The following MAGI2 variants were observed in gnomAD, a reference collection of about 807,000 sequenced individuals.
The protein encoded by MAGI2 is membrane-associated guanylate kinase, WW and PDZ domain-containing protein 2.
In MAGI2, 35 loss-of-function variants were observed where a neutral mutation model predicts 133.3. That is an observed-to-expected ratio of 0.26 (90% confidence interval 0.20 to 0.35). The LOEUF (loss-of-function observed/expected upper bound fraction) is 0.35, where lower values mean the gene tolerates loss of function less well. Ranked by LOEUF, MAGI2 falls within the 10% of genes least tolerant of loss-of-function variation. The pLI, the probability that MAGI2 is intolerant of heterozygous loss-of-function variation, is 1.00. For synonymous variants in MAGI2, 729 were observed against 710.6 expected (o/e 1.03, Z -0.41); for missense variants, 1,636 against 1,863.4 (o/e 0.88, Z 2.25).
intron 2 of MAGI2, among the ~76,000 whole-genome samples, chr7:78,860,313 G>A (rs1346902807): frequency 6.6e-6 from 1 of 152,160 alleles, no homozygotes; most frequent in African/African-American, 2.4e-5. Context: ...CTTTGGAGAA[G>A]AGGCGCTCTG....
intron 1 of MAGI2, among the ~76,000 whole-genome samples, chr7:79,434,109 C>T (rs1200790480): frequency 5.3e-5 from 8 of 151,526 alleles, no homozygotes; most frequent in African/African-American, 9.7e-5. Flanking sequence ...AGATGAAAAC[C>T]TCTCTTTTGG....
intron 21 of MAGI2, among the ~76,000 whole-genome samples, chr7:78,062,178 G>C (rs1813350960): frequency 6.6e-6 from 1 of 152,198 alleles, no homozygotes; most frequent in African/African-American, 2.4e-5. Context: ...GACCACCTCT[G>C]CCTCTGAAAA....
chr7:79,428,424 C>T (rs1037307696), intron 1 of MAGI2, among the ~76,000 whole-genome samples: 1 of 152,018 alleles, frequency 6.6e-6, no homozygotes, highest in Admixed American at 6.6e-5. Flanking sequence ...TGTTACAGTC[C>T]CATAACAATA....
At chr7:78,156,054 G>A (rs554317636) in intron 16 of MAGI2, among the ~76,000 whole-genome samples, 17 of 152,290 alleles carry the variant, frequency 1.1e-4, no homozygotes, top group Non-Finnish European at 1.5e-4. Flanking sequence ...ATAGCAACAT[G>A]TTTGCAAGGG....
At chr7:78,263,613 G>A (rs1340737322) in intron 9 of MAGI2, among the ~76,000 whole-genome samples, 1 of 152,028 alleles carries the variant, frequency 6.6e-6, no homozygotes, top group Admixed American at 6.6e-5. Flanking sequence ...ACTTCTGGTC[G>A]GGATTGGCTC....
intron 2 of MAGI2, among the ~76,000 whole-genome samples, chr7:78,653,955 T>A (rs1260882028): frequency 2.6e-5 from 4 of 152,192 alleles, no homozygotes; most frequent in African/African-American, 9.7e-5. Flanking sequence ...AATGAGGAAG[T>A]ATTCAATAAT....
chr7:79,353,465 C>T, intron 1 of MAGI2: 1 of 456,142 alleles, frequency 2.2e-6, no homozygotes, highest in South Asian at 1.5e-5. Context: ...CAGGACAATC[C>T]TGAACTGGCA....
At chr7:78,915,143 C>A (rs1301871860) in intron 2 of MAGI2, among the ~76,000 whole-genome samples, 4 of 152,052 alleles carry the variant, frequency 2.6e-5, no homozygotes, top group Non-Finnish European at 4.4e-5. Flanking sequence ...TTTGCTCCCG[C>A]TATAATAATT....
intron 16 of MAGI2, among the ~76,000 whole-genome samples, chr7:78,152,561 T>C (rs528657851): frequency 1.3e-5 from 2 of 152,186 alleles, no homozygotes; most frequent in Non-Finnish European, 2.9e-5. Context: ...GGAACAGAAA[T>C]TAAGTCACAA....
At chr7:78,879,686 G>T (rs1176126033) in intron 2 of MAGI2, among the ~76,000 whole-genome samples, 1 of 151,988 alleles carries the variant, frequency 6.6e-6, no homozygotes, top group Non-Finnish European at 1.5e-5. Flanking sequence ...TCTGAACATT[G>T]TGACATGACC....
intron 21 of MAGI2, among the ~76,000 whole-genome samples, chr7:78,033,472 CA>C (rs199985014): frequency 7.8e-4 from 103 of 132,396 alleles, no homozygotes; most frequent in African/African-American, 2.4e-3. Context: ...GAGCTTGTCT[CA>C]AAAAAAAAAA....
chr7:78,939,716 G>A (rs915839568), intron 2 of MAGI2: 5 of 152,158 alleles, frequency 3.3e-5, no homozygotes, highest in South Asian at 2.1e-4. Context: ...TGGGATATCT[G>A]AGACACTGCA....
intron 1 of MAGI2, among the ~76,000 whole-genome samples, chr7:79,364,038 G>A (rs1842532281): frequency 1.3e-5 from 2 of 151,982 alleles, no homozygotes; most frequent in South Asian, 2.1e-4. Context: ...GAACCATCAT[G>A]AGATATCACC....
At chr7:78,367,729 G>T (rs553384893) in intron 7 of MAGI2, among the ~76,000 whole-genome samples, 3 of 152,212 alleles carry the variant, frequency 2.0e-5, no homozygotes, top group African/African-American at 7.2e-5. Context: ...CTTGAATATC[G>T]GATGTAGTAG....
rs529659601 is a variant in MAGI2, at chr7:79,304,866, T to C, written c.301+148154A>G. ...TTAAATAGTCACACTCCTGTACACC[T>C]GAGCCATGTGGTTAGGGAATGTTTA... On this transcript the variant is annotated intron_variant, in intron 1 of 21. Coordinates refer to ENST00000354212, the MANE Select transcript of MAGI2 (RefSeq NM_012301.4). 7.9e-5 allele frequency among the ~76,000 whole-genome samples: 12 copies of C among 152,286 alleles called. No individual in the cohort carries two copies. The South Asian group carries it at 2.3e-3, about 29-fold the overall frequency.
intron 1 of MAGI2, among the ~76,000 whole-genome samples, chr7:79,086,187 T>C (rs1816470578): frequency 6.6e-6 from 1 of 151,868 alleles, no homozygotes; most frequent in East Asian, 1.9e-4. Flanking sequence ...TTTCAGCAAA[T>C]TTCCCTAAGG....
intron 1 of MAGI2, among the ~76,000 whole-genome samples, chr7:79,383,677 A>C (rs1843969113): frequency 6.6e-6 from 1 of 151,702 alleles, no homozygotes; most frequent in South Asian, 2.1e-4. Flanking sequence ...CATGATCAAG[A>C]ATCCAAAGAC....
chr7:78,296,140 A>AAACC (rs1446692350), intron 9 of MAGI2, among the ~76,000 whole-genome samples: 5 of 152,186 alleles, frequency 3.3e-5, no homozygotes, highest in Admixed American at 3.3e-4. Flanking sequence ...AGAGTATTAC[A>AAACC]AACCAGAGTA....
intron 6 of MAGI2, among the ~76,000 whole-genome samples, chr7:78,460,299 T>C (rs1789830088): frequency 2.0e-5 from 3 of 152,204 alleles, no homozygotes; most frequent in Non-Finnish European, 4.4e-5. Context: ...ATGTTCACTG[T>C]GAAACTTCCC....
Sources: gnomAD v4.1 joint callset for allele counts (sites outside exome capture counted in the v4.1 genomes callset) on GRCh38, gnomAD v4.1.1 for gene constraint, MANE v1.5 for transcripts, NCBI Gene and HGNC (gene_info 2026-07-23, HGNC 2026-07-21) for gene names.